Variants in LRMDA observed in about 807,000 individuals in gnomAD.
LRMDA encodes leucine-rich melanocyte differentiation-associated protein.
In LRMDA, 18 loss-of-function variants were observed where a neutral mutation model predicts 29.8. That is an observed-to-expected ratio of 0.60 (90% confidence interval 0.42 to 0.90). The LOEUF (loss-of-function observed/expected upper bound fraction) is 0.90, where lower values mean the gene tolerates loss of function less well. Among genes scored for constraint, LRMDA ranks in the 40% least tolerant of loss-of-function variants. The pLI, the probability that LRMDA is intolerant of heterozygous loss-of-function variation, is 0.00. For synonymous variants in LRMDA, 125 were observed against 109.4 expected, an observed-to-expected ratio of 1.14 and a Z score of -0.89; for missense variants, 273 against 273.9, an observed-to-expected ratio of 1.00 and a Z score of 0.02.
chr10:75,506,915 T>A (rs1338781734), intron 2 of LRMDA, among the ~76,000 whole-genome samples: 1 of 152,110 alleles, frequency 6.6e-6, no homozygotes, highest in African/African-American at 2.4e-5. Context: ...AAGTTCCTGG[T>A]GTGAGGAGCT....
intron 5 of LRMDA, among the ~76,000 whole-genome samples, chr10:76,182,339 C>T (rs930284882): frequency 3.3e-5 from 5 of 152,210 alleles, no homozygotes; most frequent in Admixed American, 2.6e-4. Flanking sequence ...GATCCAATCA[C>T]CTCCCACCAA....
chr10:76,452,172 A>G (rs575334701), intron 6 of LRMDA, among the ~76,000 whole-genome samples: 1 of 152,240 alleles, frequency 6.6e-6, no homozygotes, highest in South Asian at 2.1e-4. Flanking sequence ...GTGTATGCCT[A>G]TGTCCTATGC....
chr10:75,711,617 A>G (rs193039043), intron 2 of LRMDA, among the ~76,000 whole-genome samples: 2 of 152,276 alleles, frequency 1.3e-5, no homozygotes, highest in East Asian at 3.9e-4. Flanking sequence ...TAGCATTGAA[A>G]GTTTTTATCA....
At chr10:75,627,735 GC>G (rs1345844446) in intron 2 of LRMDA, among the ~76,000 whole-genome samples, 5 of 152,288 alleles carry the variant, frequency 3.3e-5, no homozygotes, top group African/African-American at 1.2e-4. Context: ...CATCTCTGAA[GC>G]CCCAGGCACC....
Position 75,558,638 on chromosome 10 carries a change from G to A in LRMDA, c.131+120144G>A, listed in dbSNP as rs1388365722. On this transcript the variant is annotated intron_variant, in intron 2 of 6. Coordinates refer to ENST00000611255, the MANE Select transcript of LRMDA (RefSeq NM_001305581.2). ...GCTGGTGTGCTGCACCCATTAACTC[G>A]TCATTTAGCATTAGGTATATCTCCT... Among the ~76,000 whole-genome samples the A allele has an allele frequency of 1.1e-4, 17 of 148,838 alleles. No homozygotes were observed. In the South Asian group the frequency reaches 1.8e-3, roughly 16 times the overall value.
chr10:76,456,346 T>G (rs1842456778), intron 6 of LRMDA, among the ~76,000 whole-genome samples: 1 of 152,168 alleles, frequency 6.6e-6, no homozygotes, highest in African/African-American at 2.4e-5. Flanking sequence ...ATGTTCAATG[T>G]CTGCCAAGTT....
intron 6 of LRMDA, among the ~76,000 whole-genome samples, chr10:76,548,316 A>G (rs1296006341): frequency 6.6e-6 from 1 of 151,228 alleles, no homozygotes; most frequent in Non-Finnish European, 1.5e-5. Flanking sequence ...TACAAAGAAA[A>G]GTTTACCATT....
At chr10:76,010,761 T>C (rs1898073) in intron 2 of LRMDA, among the ~76,000 whole-genome samples, 69,550 of 152,160 alleles carry the variant, frequency 0.46, 16,144 homozygotes, top group Middle Eastern at 0.48. Flanking sequence ...CTGACCTCTG[T>C]CACCTCTGAA....
In LRMDA at chr10:75,821,028, AC is replaced by A. The variant is rs1393269358; in HGVS notation, c.132-214979del. On this transcript the variant is annotated intron_variant, in intron 2 of 6. Coordinates refer to ENST00000611255, the MANE Select transcript of LRMDA (RefSeq NM_001305581.2). ...TAAATAAGTAATAAAAAACCCTCTA[AC>A]AACATCAAAAAAATTCCAGGACCAG... Among the ~76,000 whole-genome samples the A allele has an allele frequency of 3.9e-5, 6 of 152,322 alleles. No individual in the cohort carries two copies. The East Asian group carries it at 1.2e-3, about 29-fold the overall frequency.
Position 76,036,021 on chromosome 10 carries a change from C to A in LRMDA, c.145C>A (p.Leu49Met), listed in dbSNP as rs140712380. Residue 49 changes from leucine (L) to methionine (M), a missense_variant, in exon 3 of 7, where the codon CTG (leucine) becomes ATG (methionine). Coordinates refer to ENST00000611255, the MANE Select transcript of LRMDA (RefSeq NM_001305581.2). ...SFNLLRSLEGLSAFRSLEELI... is the reference protein window; with the variant it reads ...SFNLLRSLEGMSAFRSLEELI... ...TTGTCATTGCAGGTCACTGGAAGGACTGAGCGCATTCAGGAGCCTGGAGGA... is the reference window on the plus strand; with the variant it reads ...TTGTCATTGCAGGTCACTGGAAGGAATGAGCGCATTCAGGAGCCTGGAGGA... 27 of 1,613,940 alleles carry A rather than the reference C, an allele frequency of 1.7e-5. No homozygotes were observed. Among genetic ancestry groups the A allele is most frequent in the Non-Finnish European group, 2.3e-5 (27 of 1,180,008 alleles).
chr10:75,553,619 A>C (rs573777894), intron 2 of LRMDA, among the ~76,000 whole-genome samples: 1 of 152,128 alleles, frequency 6.6e-6, no homozygotes, highest in African/African-American at 2.4e-5. Context: ...GCAGGCCTCT[A>C]TATCTATGCA....
rs530435178 is a variant in LRMDA at position 75,850,522 on chromosome 10, GT to G, written c.132-185481del. On this transcript the variant is annotated intron_variant, in intron 2 of 6. Transcript: ENST00000611255. ...ATTACTGGGTGGGTAAGAATCTAGT[GT>G]TTTTCTGTTGCTCATATAACACCAT... 7.2e-5 allele frequency among the ~76,000 whole-genome samples: 11 copies of G among 152,288 alleles called. No individual in the cohort carries two copies. In the South Asian group the frequency reaches 2.1e-3, roughly 29 times the overall value.
intron 4 of LRMDA, among the ~76,000 whole-genome samples, chr10:76,057,434 A>G (rs959110809): frequency 6.6e-6 from 1 of 152,220 alleles, no homozygotes; most frequent in African/African-American, 2.4e-5. Context: ...AGTTTTCAAG[A>G]TGTGGTGAGA....
At chr10:76,391,815 A>T (rs1353743253) in intron 6 of LRMDA, among the ~76,000 whole-genome samples, 1 of 152,116 alleles carries the variant, frequency 6.6e-6, no homozygotes, top group Non-Finnish European at 1.5e-5. Flanking sequence ...GCTTTTTTGC[A>T]TGAATAGGTT....
intron 2 of LRMDA, among the ~76,000 whole-genome samples, chr10:76,020,990 A>C (rs1358797268): frequency 6.6e-6 from 1 of 152,046 alleles, no homozygotes; most frequent in East Asian, 1.9e-4. Flanking sequence ...CTCTTCTTGG[A>C]CTTTTCTTCT....
intron 3 of LRMDA, among the ~76,000 whole-genome samples, chr10:76,041,604 A>T (rs1293906164): frequency 2.0e-5 from 3 of 152,320 alleles, no homozygotes; most frequent in Middle Eastern, 3.4e-3. Flanking sequence ...AGAGGGAGGG[A>T]TGTGTCCATT....
intron 6 of LRMDA, among the ~76,000 whole-genome samples, chr10:76,333,044 A>G (rs574565019): frequency 1.3e-5 from 2 of 152,266 alleles, no homozygotes; most frequent in South Asian, 2.1e-4. Context: ...CTCAGGCATG[A>G]CTCTTTGGAG....
chr10:76,091,184 A>G (rs1031197963), intron 5 of LRMDA, among the ~76,000 whole-genome samples: 1 of 152,008 alleles, frequency 6.6e-6, no homozygotes, highest in African/African-American at 2.4e-5. Context: ...AATAGCGAGT[A>G]CTCAATAAAT....
chr10:76,043,959 T>C (rs1358151970), intron 3 of LRMDA, among the ~76,000 whole-genome samples: 3 of 152,222 alleles, frequency 2.0e-5, no homozygotes, highest in Non-Finnish European at 4.4e-5. Context: ...TAGAGAGGGC[T>C]TCCCTCAGTC....
Sources: allele counts gnomAD v4.1 joint callset (sites outside exome capture counted in the v4.1 genomes callset), GRCh38; gene constraint gnomAD v4.1.1; transcripts MANE v1.5; gene names NCBI Gene and HGNC (gene_info 2026-07-23, HGNC 2026-07-21).